Variants in ERC2 observed in about 807,000 individuals in gnomAD.
ERC2 encodes ELKS/RAB6-interacting/CAST family member 2.
Under a neutral mutation model 114.8 loss-of-function variants are expected in ERC2, and 42 were observed. That is an observed-to-expected ratio of 0.37 (90% CI 0.29 to 0.47). The LOEUF is 0.47. Among genes scored for constraint, ERC2 ranks in the 20% least tolerant of loss-of-function variants. The probability of loss-of-function intolerance (pLI) is 0.99; values close to 1 mark genes in which losing one functional copy is unlikely to be tolerated. For missense variants in ERC2, 939 were observed against 1,150.7 expected (o/e 0.82, Z 2.66); for synonymous variants, 454 against 425.5 (o/e 1.07, Z -0.82).
intron 17 of ERC2, among the ~76,000 whole-genome samples, chr3:55,539,343 G>C (rs539204585): frequency 1.3e-5 from 2 of 150,768 alleles, no homozygotes; most frequent in South Asian, 2.1e-4. Context: ...TCCATGCTTG[G>C]AGATTTTCTA....
At chr3:56,141,461 C>A (rs1016165569) in intron 5 of ERC2, among the ~76,000 whole-genome samples, 1 of 152,134 alleles carries the variant, frequency 6.6e-6, no homozygotes, top group Non-Finnish European at 1.5e-5. Context: ...GAAGACCATA[C>A]CAGACATATG....
chr3:55,986,715 TA>T (rs745474574), intron 11 of ERC2, among the ~76,000 whole-genome samples: 3 of 151,908 alleles, frequency 2.0e-5, no homozygotes, highest in Non-Finnish European at 4.4e-5. Flanking sequence ...AATATCAAGT[TA>T]TAATACTTTT....
At chr3:55,831,329 G>C (rs1487705694) in intron 14 of ERC2, among the ~76,000 whole-genome samples, 2 of 125,730 alleles carry the variant, frequency 1.6e-5, no homozygotes, top group African/African-American at 6.0e-5. Flanking sequence ...AAGAAGAGGG[G>C]AGGGGAAGGA....
rs796813944 is a variant in ERC2 at position 56,235,588 on chromosome 3, T to G, written c.1074+60431A>C. ...TATGGTTTCTGGTTTTCCACCATTCTCAACACTCCCTTCTGTCTCCCTGAC... is the reference window on the plus strand; with the variant it reads ...TATGGTTTCTGGTTTTCCACCATTCGCAACACTCCCTTCTGTCTCCCTGAC... On this transcript the variant is annotated intron_variant, in intron 3 of 17. Transcript: ENST00000288221. 2.6e-5 allele frequency among the ~76,000 whole-genome samples: 4 copies of G among 152,206 alleles called. No individual in the cohort carries two copies. The South Asian group carries it at 8.3e-4, about 32-fold the overall frequency.
intron 8 of ERC2, among the ~76,000 whole-genome samples, chr3:56,017,951 A>G (rs2073422206): frequency 6.6e-6 from 1 of 152,136 alleles, no homozygotes; most frequent in Admixed American, 6.5e-5. Context: ...TGGAAAGATA[A>G]CACACACATA....
chr3:55,513,333 T>C (rs2052233698), intron 17 of ERC2, among the ~76,000 whole-genome samples: 1 of 152,232 alleles, frequency 6.6e-6, no homozygotes, highest in African/African-American at 2.4e-5. Context: ...AACGCTGACA[T>C]TCCACTCTTT....
intron 17 of ERC2, among the ~76,000 whole-genome samples, chr3:55,613,445 A>G (rs1206311196): frequency 2.0e-5 from 3 of 152,198 alleles, no homozygotes; most frequent in African/African-American, 7.2e-5. Flanking sequence ...GATAAAAGCT[A>G]TGGACCTTCA....
chr3:55,855,284 A>G (rs986719243), intron 14 of ERC2, among the ~76,000 whole-genome samples: 11 of 152,364 alleles, frequency 7.2e-5, no homozygotes, highest in Middle Eastern at 3.4e-3. Context: ...GTACACACCT[A>G]TAACACACAA....
At chr3:56,005,432 A>G (rs2072406971) in intron 10 of ERC2, among the ~76,000 whole-genome samples, 1 of 152,090 alleles carries the variant, frequency 6.6e-6, no homozygotes, top group Non-Finnish European at 1.5e-5. Flanking sequence ...GTTGAAAGAA[A>G]CTATACTGAA....
rs771911019 is a variant in ERC2 at position 55,508,389 on chromosome 3, A to C, written c.*2927T>G. On this transcript the variant is annotated 3_prime_UTR_variant, in exon 18 of 18. Transcript: ENST00000288221. ...AGTACTTCTCATACACATGACAACAAATTTATGAACTGTACATACCTTGTA... is the reference window on the plus strand; with the variant it reads ...AGTACTTCTCATACACATGACAACACATTTATGAACTGTACATACCTTGTA... The C allele has an allele frequency of 5.9e-5, 9 of 152,642 alleles. No individual in the cohort carries two copies. Among genetic ancestry groups the C allele is most frequent in the Middle Eastern group, 3.2e-3 (1 of 316 alleles). 9.5% of individuals were successfully genotyped at this position (152,642 alleles called of 1,614,324 possible).
intron 3 of ERC2, among the ~76,000 whole-genome samples, chr3:56,189,524 G>A (rs1289716813): frequency 6.6e-6 from 1 of 152,212 alleles, no homozygotes; most frequent in East Asian, 1.9e-4. Context: ...GAATGATGCT[G>A]TTCTGCATCA....
chr3:56,215,381 C>T (rs1478255576), intron 3 of ERC2, among the ~76,000 whole-genome samples: 1 of 152,090 alleles, frequency 6.6e-6, no homozygotes. Context: ...CAACAAAGAT[C>T]AAAAGAGACA....
At chr3:56,247,986 G>A (rs552350712) in intron 3 of ERC2, among the ~76,000 whole-genome samples, 3 of 152,342 alleles carry the variant, frequency 2.0e-5, no homozygotes, top group African/African-American at 7.2e-5. Context: ...CACATGAGGT[G>A]ACTTTTGAGT....
At chr3:55,698,785 G>A (rs925718426) in intron 16 of ERC2, among the ~76,000 whole-genome samples, 1 of 152,158 alleles carries the variant, frequency 6.6e-6, no homozygotes, top group Non-Finnish European at 1.5e-5. Context: ...CATTTGGTGG[G>A]TGAATGTAAA....
chr3:56,353,691 G>A (rs183952369), intron 2 of ERC2, among the ~76,000 whole-genome samples: 3 of 149,422 alleles, frequency 2.0e-5, no homozygotes, highest in East Asian at 2.0e-4. Flanking sequence ...GCATTAGGAG[G>A]TATACCTAAT....
chr3:55,818,559 A>G (rs2059990919), intron 14 of ERC2, among the ~76,000 whole-genome samples: 1 of 152,190 alleles, frequency 6.6e-6, no homozygotes, highest in Non-Finnish European at 1.5e-5. Flanking sequence ...GCTCAGATGA[A>G]TCTAGGTGTG....
At chr3:56,074,030 T>A (rs1226499540) in intron 7 of ERC2, among the ~76,000 whole-genome samples, 1 of 152,170 alleles carries the variant, frequency 6.6e-6, no homozygotes, top group South Asian at 2.1e-4. Context: ...CATTATTTAG[T>A]GGCTGCATCT....
At chr3:55,676,239 T>C (rs564403090) in intron 17 of ERC2, among the ~76,000 whole-genome samples, 11 of 152,104 alleles carry the variant, frequency 7.2e-5, no homozygotes, top group African/African-American at 2.4e-4. Flanking sequence ...TCCATCTTTC[T>C]GATAACTTGG....
At chr3:56,072,198 C>T (rs4974165) in intron 7 of ERC2, 125,363 of 158,122 alleles carry the variant, frequency 0.79, 50,780 homozygotes, top group East Asian at 0.91. Context: ...TCCCCTTCCT[C>T]CCTCACCACT....
Sources: gnomAD v4.1 joint callset for allele counts (sites outside exome capture counted in the v4.1 genomes callset) on GRCh38, gnomAD v4.1.1 for gene constraint, MANE v1.5 for transcripts, NCBI Gene and HGNC (gene_info 2026-07-23, HGNC 2026-07-21) for gene names.